Variants in SGPL1 observed in about 807,000 individuals in gnomAD.
The protein encoded by SGPL1 is SP-lyase 1.
Under a neutral mutation model 68.9 loss-of-function variants are expected in SGPL1, and 37 were observed. The ratio of observed to expected loss-of-function variants is 0.54; its 90% CI spans 0.41 to 0.71. The LOEUF is 0.71. Among genes scored for constraint, SGPL1 ranks in the 30% least tolerant of loss-of-function variants. The pLI, the probability that SGPL1 is intolerant of heterozygous loss-of-function variation, is 0.00. For synonymous variants in SGPL1, 236 were observed against 248.5 expected, an observed-to-expected ratio of 0.95 and a Z score of 0.47; for missense variants, 551 against 704.6, an observed-to-expected ratio of 0.78 and a Z score of 2.47.
intron 7 of SGPL1, among the ~76,000 whole-genome samples, chr10:70,864,899 A>G (rs968152226): frequency 2.6e-5 from 4 of 152,212 alleles, no homozygotes; most frequent in African/African-American, 7.2e-5. Context: ...AAAGTTACCT[A>G]TCAGAGTTCA....
At chr10:70,852,394 CA>C (rs1417378672) in intron 4 of SGPL1, among the ~76,000 whole-genome samples, 1 of 152,144 alleles carries the variant, frequency 6.6e-6, no homozygotes, top group Non-Finnish European at 1.5e-5. Flanking sequence ...GTTTGCTCTC[CA>C]AATTATATTA....
chr10:70,848,545 A>G (rs968128558), intron 3 of SGPL1, among the ~76,000 whole-genome samples: 7 of 142,432 alleles, frequency 4.9e-5, no homozygotes, highest in African/African-American at 1.9e-4. Context: ...GCTCACTGCA[A>G]CCTCCGCCTC....
At chr10:70,840,623 G>C (rs1845699553) in intron 2 of SGPL1, among the ~76,000 whole-genome samples, 1 of 152,062 alleles carries the variant, frequency 6.6e-6, no homozygotes, top group South Asian at 2.1e-4. Flanking sequence ...CAAAAAGCTT[G>C]TCAGGACCCA....
chr10:70,848,621 C>T (rs566351163), intron 3 of SGPL1, among the ~76,000 whole-genome samples: 10 of 151,994 alleles, frequency 6.6e-5, no homozygotes, highest in Middle Eastern at 6.8e-3. Flanking sequence ...CGTGCCATCA[C>T]GCCCAGCTAA....
At chr10:70,871,276 A>C in intron 10 of SGPL1, 130 bp downstream of exon 10, 1 of 600,626 alleles carries the variant, frequency 1.7e-6, no homozygotes, top group Non-Finnish European at 2.9e-6. Context: ...AGTAGCTCTC[A>C]TCAGCCCTAG....
At chr10:70,842,615 G>A (rs182489883) in intron 2 of SGPL1, among the ~76,000 whole-genome samples, 41 of 151,704 alleles carry the variant, frequency 2.7e-4, no homozygotes, top group Middle Eastern at 3.4e-3. Flanking sequence ...GAAAGAGAGT[G>A]GGGGGAGGTC....
At chr10:70,846,032 A>T (rs527976795) in intron 3 of SGPL1, among the ~76,000 whole-genome samples, 1 of 152,208 alleles carries the variant, frequency 6.6e-6, no homozygotes, top group Non-Finnish European at 1.5e-5. Flanking sequence ...CGCAGTAAAC[A>T]TTGCAAAACC....
At chr10:70,831,442 G>T (rs1217280613) in intron 2 of SGPL1, among the ~76,000 whole-genome samples, 1 of 152,202 alleles carries the variant, frequency 6.6e-6, no homozygotes, top group African/African-American at 2.4e-5. Context: ...CAAAATGTCT[G>T]ACTGACTGTC....
At chr10:70,848,522 T>C (rs1430995527) in intron 3 of SGPL1, among the ~76,000 whole-genome samples, 1 of 134,060 alleles carries the variant, frequency 7.5e-6, no homozygotes, top group Non-Finnish European at 1.5e-5. Flanking sequence ...TGGAGTGCAG[T>C]GGCACGATCT....
intron 7 of SGPL1, among the ~76,000 whole-genome samples, chr10:70,867,435 C>T (rs570136618): frequency 5.7e-4 from 86 of 152,000 alleles, no homozygotes; most frequent in Admixed American, 1.4e-3. Context: ...TGGTGGTGGG[C>T]GCCTGTAATC....
At chr10:70,867,832 C>T (rs1361819535) in intron 7 of SGPL1, among the ~76,000 whole-genome samples, 2 of 152,182 alleles carry the variant, frequency 1.3e-5, no homozygotes, top group African/African-American at 4.8e-5. Flanking sequence ...AGGCAACAAA[C>T]TTCCATCAAG....
intron 7 of SGPL1, among the ~76,000 whole-genome samples, chr10:70,864,988 A>G (rs184083818): frequency 2.7e-3 from 412 of 152,318 alleles, no homozygotes; most frequent in African/African-American, 9.6e-3. Flanking sequence ...TAAAGAGCCA[A>G]TCCTGATGTT....
In SGPL1 at chr10:70,859,396, AC is replaced by A; in HGVS notation, c.517del (p.Leu173CysfsTer12). On this transcript the variant is annotated frameshift_variant, in exon 7 of 15. Coordinates refer to ENST00000373202, the MANE Select transcript of SGPL1 (RefSeq NM_003901.4). LOFTEE classifies it high-confidence loss of function. The part of the protein sequence containing the change: ...VKAYGDFAWS[N>X]PLHPDIFPGL... The stretch of plus-strand genomic sequence containing the variant: ...GCTTATGGAGATTTTGCATGGAGTA[AC>A]CCCCTGCATCCAGATATCTTCCCAG... 2.0e-6 allele frequency: 3 copies of A among 1,533,956 alleles called. No individual in the cohort carries two copies. The highest frequency in any genetic ancestry group is 8.8e-7 in the Non-Finnish European group (1 of 1,141,352).
chr10:70,841,737 A>G (rs537876563), intron 2 of SGPL1, among the ~76,000 whole-genome samples: 1 of 152,138 alleles, frequency 6.6e-6, no homozygotes, highest in African/African-American at 2.4e-5. Context: ...GCATTTGTTG[A>G]GTATCTGTCC....
rs566668550 is a variant in SGPL1 at position 70,818,320 on chromosome 10, G to A, written c.27+1440G>A. Among the ~76,000 whole-genome samples the A allele has an allele frequency of 4.6e-5, 7 of 152,154 alleles. No individual in the cohort carries two copies. The South Asian group carries it at 6.2e-4, about 14-fold the overall frequency. On this transcript the variant is annotated intron_variant, in intron 2 of 14. Coordinates refer to ENST00000373202, the MANE Select transcript of SGPL1 (RefSeq NM_003901.4). ...TTTTTAATAGAGATGGGGTTTCGCC[G>A]TGTTAGCCAGGCTGGTCTCAAACTC...
At chr10:70,851,097 A>G (rs1412134923) in intron 3 of SGPL1, 46 bp from the exon 4 acceptor site, 1 of 1,469,568 alleles carries the variant, frequency 6.8e-7, no homozygotes, top group Non-Finnish European at 9.5e-7. Context: ...GCCAGGTCAT[A>G]TCCATGGAAA....
chr10:70,863,168 G>C (rs1341352710), intron 7 of SGPL1, among the ~76,000 whole-genome samples: 1 of 151,744 alleles, frequency 6.6e-6, no homozygotes, highest in African/African-American at 2.4e-5. Context: ...TGTATTTTTA[G>C]TAGAGATGGG....
intron 13 of SGPL1, 97 bp from the exon 14 acceptor site, chr10:70,876,444 A>G (rs1309465117): frequency 8.6e-7 from 1 of 1,161,244 alleles, no homozygotes; most frequent in African/African-American, 1.6e-5. Flanking sequence ...AAATATTGTG[A>G]AAGGGCAACC....
chr10:70,826,992 C>T (rs184059896), intron 2 of SGPL1, among the ~76,000 whole-genome samples: 155 of 152,224 alleles, frequency 1.0e-3, no homozygotes, highest in East Asian at 6.2e-3. Flanking sequence ...CTGTTATGAG[C>T]GTTCTTATAT....
Sources: gnomAD v4.1 joint callset for allele counts (sites outside exome capture counted in the v4.1 genomes callset) on GRCh38, gnomAD v4.1.1 for gene constraint, MANE v1.5 for transcripts, NCBI Gene and HGNC (gene_info 2026-07-23, HGNC 2026-07-21) for gene names.